Variants in SLC39A12 observed in about 807,000 individuals in gnomAD.
The protein encoded by SLC39A12 is zinc transporter ZIP12.
Under a neutral mutation model 71.1 loss-of-function variants are expected in SLC39A12, and 63 were observed. That is an observed-to-expected ratio of 0.89 (90% CI 0.72 to 1.09). The LOEUF (loss-of-function observed/expected upper bound fraction) is 1.09, where lower values mean the gene tolerates loss of function less well. SLC39A12 is among the 50% of genes least tolerant of loss of function. The probability of loss-of-function intolerance (pLI) is 0.00; values close to 1 mark genes in which losing one functional copy is unlikely to be tolerated. For synonymous variants in SLC39A12, 351 were observed against 301.3 expected (o/e 1.16, Z -1.71); for missense variants, 892 against 812.6 (o/e 1.10, Z -1.19).
chr10:17,961,536 G>T (rs1396442043), intron 2 of SLC39A12, 45 bp from the exon 3 acceptor site: 4 of 1,553,186 alleles, frequency 2.6e-6, no homozygotes, highest in Non-Finnish European at 3.5e-6. Context: ...GAACTATTTT[G>T]CTAAGCTTTG....
At chr10:17,969,363 C>A (rs1834911564) in intron 4 of SLC39A12, among the ~76,000 whole-genome samples, 1 of 152,124 alleles carries the variant, frequency 6.6e-6, no homozygotes, top group African/African-American at 2.4e-5. Flanking sequence ...GAGAAACCTC[C>A]CGATCGTTCT....
At chr10:17,961,997 A>G in intron 3 of SLC39A12, 135 bp downstream of exon 3, 1 of 868,492 alleles carries the variant, frequency 1.2e-6, no homozygotes, top group Non-Finnish European at 1.7e-6. Flanking sequence ...TGGTTATGAG[A>G]TGTTAAATGA....
In SLC39A12 at chr10:18,000,782, C is replaced by T; in HGVS notation, c.1716C>T (p.Thr572=). ...AFSSSSESGV[T]TTIAILCHEI... is the part of the protein sequence containing the mutation. ...CATCATCATCCGAGTCAGGAGTGAC[C>T]ACTACGATTGCTATCTTGTGTCATG... Residue 572 remains threonine (T), a synonymous_variant, in exon 11 of 13, where the codon ACC becomes ACT. Coordinates refer to ENST00000377369, the MANE Select transcript of SLC39A12 (RefSeq NM_001145195.2). 6.2e-7 allele frequency: 1 copy of T among 1,614,118 alleles called. No homozygotes were observed. Among genetic ancestry groups the T allele is most frequent in the Non-Finnish European group, 8.5e-7 (1 of 1,180,010 alleles).
intron 9 of SLC39A12, among the ~76,000 whole-genome samples, chr10:17,993,497 C>T (rs1835607079): frequency 6.6e-6 from 1 of 152,236 alleles, no homozygotes; most frequent in African/African-American, 2.4e-5. Context: ...CACAGATTCA[C>T]GTAATTGCTG....
chr10:18,027,129 TAG>T (rs1385580115), intron 12 of SLC39A12, among the ~76,000 whole-genome samples: 1 of 152,198 alleles, frequency 6.6e-6, no homozygotes, highest in Non-Finnish European at 1.5e-5. Context: ...AATAGGCCAT[TAG>T]TAATGTGGTA....
chr10:18,024,210 G>A (rs377405889), intron 12 of SLC39A12, among the ~76,000 whole-genome samples: 1 of 151,914 alleles, frequency 6.6e-6, no homozygotes, highest in Non-Finnish European at 1.5e-5. Context: ...CAACACTGTG[G>A]TTGCAAGAGA....
At chr10:18,034,986 T>C (rs1320546420) in intron 12 of SLC39A12, among the ~76,000 whole-genome samples, 1 of 151,566 alleles carries the variant, frequency 6.6e-6, no homozygotes, top group Non-Finnish European at 1.5e-5. Context: ...CCCACTCTCT[T>C]CTGGCTTGTA....
At chr10:18,014,732 A>T (rs1564657582) in intron 12 of SLC39A12, among the ~76,000 whole-genome samples, 1 of 152,052 alleles carries the variant, frequency 6.6e-6, no homozygotes, top group East Asian at 1.9e-4. Flanking sequence ...CCTTGCATGA[A>T]TTTTTTTCTT....
chr10:17,987,158 A>T (rs1835419486), intron 6 of SLC39A12, among the ~76,000 whole-genome samples: 1 of 152,078 alleles, frequency 6.6e-6, no homozygotes. Context: ...ACGAAACCCC[A>T]TCTCTACAAA....
At chr10:17,974,183 C>G (rs1028586276) in intron 4 of SLC39A12, among the ~76,000 whole-genome samples, 7 of 151,930 alleles carry the variant, frequency 4.6e-5, no homozygotes, top group Non-Finnish European at 1.0e-4. Context: ...TTAAATTTCA[C>G]TGAGTTTCCT....
chr10:17,953,682 A>G, intron 2 of SLC39A12, 145 bp downstream of exon 2: 1 of 1,038,258 alleles, frequency 9.6e-7, no homozygotes, highest in Non-Finnish European at 1.4e-6. Context: ...AATAATTTCC[A>G]TATTTGGGAT....
At chr10:17,968,051 TTG>T (rs1834878453) in intron 4 of SLC39A12, among the ~76,000 whole-genome samples, 1 of 151,390 alleles carries the variant, frequency 6.6e-6, no homozygotes, top group Non-Finnish European at 1.5e-5. Flanking sequence ...TGATCTTTGT[TTG>T]TGTGTGTGTA....
Position 17,995,637 on chromosome 10 carries a change from A to T in SLC39A12, c.1534-19A>T, listed in dbSNP as rs111963396. The T allele has an allele frequency of 2.5e-6, 4 of 1,607,228 alleles. No homozygotes were observed. The African/African-American group carries it at 4.0e-5, about 16-fold the overall frequency. On this transcript the variant is annotated intron_variant, in intron 9 of 12. Coordinates refer to ENST00000377369, the MANE Select transcript of SLC39A12 (RefSeq NM_001145195.2). ...GGCCATTACTTATCTTTCATCAGTT[A>T]TTTTTTAATTTAAAATAGAAAAGCC...
intron 9 of SLC39A12, among the ~76,000 whole-genome samples, chr10:17,993,846 A>C (rs900834977): frequency 5.9e-5 from 9 of 152,228 alleles, no homozygotes. Flanking sequence ...TTCCCATTCA[A>C]ATGCTTTAAG....
rs111915711 is a variant in SLC39A12 at position 18,042,898 on chromosome 10, C to G, written c.*65C>G. On this transcript the variant is annotated 3_prime_UTR_variant, in exon 13 of 13. Coordinates refer to ENST00000377369, the MANE Select transcript of SLC39A12 (RefSeq NM_001145195.2). ...GTCTTACTTTGTTTCTTTCATTGCA[C>G]TCTATAATGATTTTTAAATTAAGAA... is the stretch of plus-strand genomic sequence containing the variant. 162 of 1,391,598 alleles carry G rather than the reference C, an allele frequency of 1.2e-4. No homozygotes were observed. In the African/African-American group the frequency reaches 2.2e-3, roughly 19 times the overall value. The allele number at this position is 1,391,598 out of a possible 1,614,324, so 86.2% of individuals were successfully genotyped here.
At chr10:18,040,668 C>A (rs529502790) in intron 12 of SLC39A12, among the ~76,000 whole-genome samples, 10 of 150,970 alleles carry the variant, frequency 6.6e-5, no homozygotes, top group Admixed American at 6.0e-4. Flanking sequence ...ACTCGGGAGG[C>A]TGAGGTAGGA....
chr10:17,990,322 ATATG>A (rs1835511439), intron 7 of SLC39A12, among the ~76,000 whole-genome samples: 1 of 152,190 alleles, frequency 6.6e-6, no homozygotes, highest in South Asian at 2.1e-4. Context: ...ACACGTACAT[ATATG>A]TATGTACACA....
rs761430113 is a variant in SLC39A12 at position 18,000,657 on chromosome 10, G to C, written c.1601-10G>C. 1 of 1,613,802 alleles carries C rather than the reference G, an allele frequency of 6.2e-7. No homozygotes were observed. Among genetic ancestry groups the C allele is most frequent in the South Asian group, 1.1e-5 (1 of 91,000 alleles). On this transcript the variant is annotated splice_polypyrimidine_tract_variant and intron_variant, in intron 10 of 12. Transcript: ENST00000377369. The stretch of plus-strand genomic sequence containing the variant: ...GTTAATGCTTCTTCTGTGTTTATTT[G>C]GTTCCTTAGGTAAAGCCATTAGCTT...
chr10:17,966,768 G>A (rs1026744958), intron 4 of SLC39A12, among the ~76,000 whole-genome samples: 24 of 151,906 alleles, frequency 1.6e-4, no homozygotes, highest in Middle Eastern at 6.8e-3. Flanking sequence ...TCAGGAGTTC[G>A]AGACCAGCCT....
Sources: gnomAD v4.1 joint callset for allele counts (sites outside exome capture counted in the v4.1 genomes callset) on GRCh38, gnomAD v4.1.1 for gene constraint, MANE v1.5 for transcripts, NCBI Gene and HGNC (gene_info 2026-07-23, HGNC 2026-07-21) for gene names.